The following CECR2 variants were observed in gnomAD, a reference collection of about 807,000 sequenced individuals.
CECR2 encodes CECR2 histone acetyl-lysine reader.
In CECR2, 30 loss-of-function variants were observed where a neutral mutation model predicts 154.5. The observed-to-expected ratio is 0.19, with a 90% CI of 0.15 to 0.26. CECR2 has a LOEUF of 0.26. Among genes scored for constraint, CECR2 ranks in the 10% least tolerant of loss-of-function variants. The pLI is 1.00. For missense variants in CECR2, 1,743 were observed against 1,829.3 expected (o/e 0.95, Z 0.86); for synonymous variants, 725 against 683.7 (o/e 1.06, Z -0.94).
chr22:17,482,445 A>G (rs1319804701), intron 2 of CECR2, among the ~76,000 whole-genome samples: 1 of 152,188 alleles, frequency 6.6e-6, no homozygotes, highest in Admixed American at 6.5e-5. Context: ...CATGTACACT[A>G]CATAATAGTT....
intron 9 of CECR2, among the ~76,000 whole-genome samples, chr22:17,530,412 G>T (rs769268128): frequency 6.6e-6 from 1 of 151,908 alleles, no homozygotes; most frequent in Non-Finnish European, 1.5e-5. Flanking sequence ...GGTGGCTCAC[G>T]CCTGTAATCC....
chr22:17,391,929 G>A (rs912089497), intron 1 of CECR2, among the ~76,000 whole-genome samples: 6 of 152,112 alleles, frequency 3.9e-5, no homozygotes, highest in African/African-American at 1.4e-4. Context: ...AGCTTCCCGA[G>A]TAACTGGGAT....
intron 8 of CECR2, among the ~76,000 whole-genome samples, chr22:17,519,251 C>T (rs1030441386): frequency 6.6e-6 from 1 of 151,564 alleles, no homozygotes; most frequent in Non-Finnish European, 1.5e-5. Context: ...TGCTCCTCCA[C>T]CTCACACCAA....
upstream of CECR2, among the ~76,000 whole-genome samples, chr22:17,369,171 C>G (rs1180044014): frequency 6.6e-6 from 1 of 151,764 alleles, no homozygotes; most frequent in Non-Finnish European, 1.5e-5. Flanking sequence ...GGTGGGAGAG[C>G]TCCTGGCCGT....
intron 2 of CECR2, among the ~76,000 whole-genome samples, chr22:17,490,632 G>A (rs1033760490): frequency 1.1e-4 from 16 of 151,500 alleles, no homozygotes; most frequent in African/African-American, 3.9e-4. Flanking sequence ...TTTATTTTTA[G>A]TAGAGACAGG....
intron 1 of CECR2, among the ~76,000 whole-genome samples, chr22:17,411,335 T>C (rs1247213803): frequency 1.3e-5 from 2 of 152,132 alleles, no homozygotes; most frequent in African/African-American, 4.8e-5. Context: ...ATGGGACAGA[T>C]GAGATGGAGA....
At chr22:17,403,907 G>A (rs1333236410) in intron 1 of CECR2, among the ~76,000 whole-genome samples, 1 of 152,000 alleles carries the variant, frequency 6.6e-6, no homozygotes, top group African/African-American at 2.4e-5. Flanking sequence ...AGTACTGATC[G>A]AAGTTGGTGG....
intron 1 of CECR2, among the ~76,000 whole-genome samples, chr22:17,465,465 G>A (rs1372725324): frequency 1.3e-5 from 2 of 151,956 alleles, no homozygotes; most frequent in African/African-American, 4.8e-5. Flanking sequence ...TAGTAGCTGG[G>A]ATTACAGGCA....
At chr22:17,386,955 A>T (rs1403570376) in intron 1 of CECR2, among the ~76,000 whole-genome samples, 2 of 152,098 alleles carry the variant, frequency 1.3e-5, no homozygotes, top group African/African-American at 4.8e-5. Context: ...CTGGTCAGAG[A>T]TGTGCCTTTC....
intron 1 of CECR2, among the ~76,000 whole-genome samples, chr22:17,473,654 G>T (rs1002736985): frequency 1.3e-5 from 2 of 152,200 alleles, no homozygotes; most frequent in Non-Finnish European, 2.9e-5. Flanking sequence ...GGCATTTACT[G>T]TGTGCCACTG....
intron 1 of CECR2, among the ~76,000 whole-genome samples, chr22:17,449,735 CGCCTCG>C (rs1219969319): frequency 6.6e-6 from 1 of 151,776 alleles, no homozygotes; most frequent in Non-Finnish European, 1.5e-5. Flanking sequence ...GTGATCTGCC[CGCCTCG>C]GCCTCCCAAA....
At chr22:17,545,089 T>C (rs945892789) in intron 16 of CECR2, among the ~76,000 whole-genome samples, 8 of 151,808 alleles carry the variant, frequency 5.3e-5, no homozygotes, top group Non-Finnish European at 1.2e-4. Context: ...AGAAATACCA[T>C]TTAGGCCAGG....
intron 2 of CECR2, among the ~76,000 whole-genome samples, chr22:17,479,940 T>C (rs994602034): frequency 1.3e-5 from 2 of 151,986 alleles, no homozygotes; most frequent in East Asian, 1.9e-4. Context: ...TTTTTAACAA[T>C]TTTTTGTAGA....
In CECR2 at chr22:17,553,135, C is replaced by T. The variant is rs1168837250; in HGVS notation, c.*295C>T. 2 of 408,118 alleles carry T rather than the reference C, an allele frequency of 4.9e-6. No homozygotes were observed. Among genetic ancestry groups the T allele is most frequent in the African/African-American group, 2.1e-5 (1 of 47,912 alleles). 25.3% of individuals were successfully genotyped at this position (408,118 alleles called of 1,614,324 possible). A position where few individuals can be genotyped will look rare whatever the true frequency, so the allele number is the denominator to read the frequency against. ...ATGATGACTTTTCCAAATCCTGAGA[C>T]ACTTTTCAGGGAAAATCACTTTAAA... On this transcript the variant is annotated 3_prime_UTR_variant, in exon 19 of 19. Coordinates refer to ENST00000262608, the MANE Select transcript of CECR2 (RefSeq NM_001290047.2).
At chr22:17,538,392 C>A (rs918476976) in intron 10 of CECR2, 128 bp from the exon 11 acceptor site, 2 of 816,518 alleles carry the variant, frequency 2.4e-6, no homozygotes, top group African/African-American at 3.4e-5. Context: ...GTCACAGGCT[C>A]ATCTAAACCA....
At chr22:17,473,293 C>T (rs1255642337) in intron 1 of CECR2, among the ~76,000 whole-genome samples, 1 of 152,096 alleles carries the variant, frequency 6.6e-6, no homozygotes, top group Admixed American at 6.5e-5. Flanking sequence ...GTGCTCACAG[C>T]TCAATGCTCA....
intron 1 of CECR2, among the ~76,000 whole-genome samples, chr22:17,467,108 C>T (rs1302400763): frequency 6.6e-6 from 1 of 152,102 alleles, no homozygotes; most frequent in African/African-American, 2.4e-5. Context: ...AGGAGCAGTT[C>T]CTATTTGGGA....
intron 1 of CECR2, among the ~76,000 whole-genome samples, chr22:17,405,666 A>ATTTT (rs1179597381): frequency 0.4 from 51,666 of 128,276 alleles, 12,823 homozygotes; most frequent in Non-Finnish European, 0.5. Flanking sequence ...AAAAAAAAAA[A>ATTTT]TTTTCAATTG....
intron 1 of CECR2, among the ~76,000 whole-genome samples, chr22:17,443,858 G>C (rs552700737): frequency 1.3e-5 from 2 of 152,124 alleles, no homozygotes; most frequent in Non-Finnish European, 2.9e-5. Context: ...ATAGAGGCAC[G>C]GAGATTCAGA....
Sources: gnomAD v4.1 joint callset for allele counts (sites outside exome capture counted in the v4.1 genomes callset) on GRCh38, gnomAD v4.1.1 for gene constraint, MANE v1.5 for transcripts, NCBI Gene and HGNC (gene_info 2026-07-23, HGNC 2026-07-21) for gene names.